ZYG11A: variants seen among roughly 807,000 people sequenced by gnomAD.
ZYG11A encodes the protein zyg-11 family member A, cell cycle regulator, also known as protein zyg-11 homolog A.
Under a neutral mutation model 77.2 loss-of-function variants are expected in ZYG11A, and 62 were observed. The ratio of observed to expected loss-of-function variants is 0.80; its 90% CI spans 0.65 to 0.99. The LOEUF (loss-of-function observed/expected upper bound fraction) is 0.99. Among genes scored for constraint, ZYG11A ranks in the 50% least tolerant of loss-of-function variants. ZYG11A has a pLI of 0.00. For synonymous variants in ZYG11A, 315 were observed against 324.6 expected, an observed-to-expected ratio of 0.97 and a Z score of 0.32; for missense variants, 828 against 896.8, an observed-to-expected ratio of 0.92 and a Z score of 0.98.
rs139341965 is a variant in ZYG11A, at chr1:52,874,057, G to A, written c.1543-3625G>A. 3.6e-3 allele frequency among the ~76,000 whole-genome samples: 543 copies of A among 152,142 alleles called. 2 individuals carry two copies. The highest frequency in any genetic ancestry group is 0.012 in the African/African-American group (517 of 41,498). ...TTGAAAGGAAGGGTCAATTGATGGG[G>A]CAAACATCATTGCTATCTTAAGAAA... On this transcript the variant is annotated intron_variant, in intron 8 of 13. Coordinates refer to ENST00000371528, the MANE Select transcript of ZYG11A (RefSeq NM_001004339.3).
intron 1 of ZYG11A, among the ~76,000 whole-genome samples, chr1:52,851,715 T>C (rs1175189943): frequency 2.0e-5 from 3 of 151,678 alleles, no homozygotes; most frequent in Non-Finnish European, 4.4e-5. Flanking sequence ...TTTATTTTAT[T>C]ATTTATTTTA....
chr1:52,867,501 T>A, intron 6 of ZYG11A, 38 bp from the exon 7 acceptor site: 1 of 1,350,876 alleles, frequency 7.4e-7, no homozygotes, highest in South Asian at 1.3e-5. Flanking sequence ...TCACAAACTT[T>A]ATATATAATT....
At chr1:52,853,852 G>T (rs1487262544) in intron 1 of ZYG11A, among the ~76,000 whole-genome samples, 1 of 152,164 alleles carries the variant, frequency 6.6e-6, no homozygotes, top group African/African-American at 2.4e-5. Flanking sequence ...GTTGCATTCG[G>T]CTGTGATTGT....
chr1:52,867,958 CTT>C (rs1050261180), intron 8 of ZYG11A, among the ~76,000 whole-genome samples, 181 bp downstream of exon 8: 11 of 98,172 alleles, frequency 1.1e-4, no homozygotes, highest in African/African-American at 4.4e-4. Flanking sequence ...CTCCACATTT[CTT>C]TTTTTTTTTT....
chr1:52,864,092 C>T lies in ZYG11A; in HGVS notation c.1261C>T (p.Arg421Cys), dbSNP rs537263056. 28 of 1,551,934 alleles carry T rather than the reference C, an allele frequency of 1.8e-5. No individual in the cohort carries two copies. In the Admixed American group the frequency reaches 4.3e-4, roughly 24 times the overall value. The change falls in exon 5 of 14, where the codon CGC (arginine) becomes TGC (cysteine). Residue 421 changes from arginine (R) to cysteine (C), a missense_variant. Transcript: ENST00000371528. ...GGGCCTGGCCAAGGGGATGCCTGTTCGCCTGTTGTCAGAGGTCACCTGTCT... is the reference window on the plus strand; with the variant it reads ...GGGCCTGGCCAAGGGGATGCCTGTTTGCCTGTTGTCAGAGGTCACCTGTCT... ...RQGLAKGMPV[R>C]LLSEVTCLLF... is the part of the protein sequence containing the mutation.
chr1:52,856,899 T>C, intron 2 of ZYG11A, 99 bp from the exon 3 acceptor site: 1 of 1,253,896 alleles, frequency 8.0e-7, no homozygotes, highest in East Asian at 2.6e-5. Context: ...GTTGTCATTA[T>C]TGTTATTATT....
Position 52,857,816 on chromosome 1 carries a change from C to T in ZYG11A, c.1008+67C>T, listed in dbSNP as rs908673027. 15 of 1,409,420 alleles carry T rather than the reference C, an allele frequency of 1.1e-5. No homozygotes were observed. In the Admixed American group the frequency reaches 2.0e-4, roughly 19 times the overall value. The allele number at this position is 1,409,420 out of a possible 1,614,324, so 87.3% of individuals were successfully genotyped here. A position where few individuals can be genotyped will look rare whatever the true frequency, so the allele number is the denominator to read the frequency against. ...ACATTATTAAACTCGTGCTATAGAC[C>T]AGACTTTTTACTAGGTATTAGGGTT... On this transcript the variant is annotated intron_variant, in intron 3 of 13. Transcript: ENST00000371528.
chr1:52,852,105 G>A (rs1645724616), intron 1 of ZYG11A, among the ~76,000 whole-genome samples: 1 of 151,738 alleles, frequency 6.6e-6, no homozygotes, highest in East Asian at 1.9e-4. Flanking sequence ...TATTAGAGAC[G>A]GGGTTTCACT....
At chr1:52,857,987 A>G (rs1313141065) in intron 3 of ZYG11A, among the ~76,000 whole-genome samples, 1 of 151,812 alleles carries the variant, frequency 6.6e-6, no homozygotes, top group East Asian at 2.0e-4. Context: ...GGGTTTCTTC[A>G]TGTTGGTCAG....
chr1:52,881,953 G>A (rs140260469), intron 11 of ZYG11A, among the ~76,000 whole-genome samples: 3 of 150,926 alleles, frequency 2.0e-5, no homozygotes, highest in Non-Finnish European at 4.4e-5. Flanking sequence ...GAGCACAGTG[G>A]CACAATTCAC....
chr1:52,857,723 T>G lies in ZYG11A; in HGVS notation c.982T>G (p.Phe328Val), dbSNP rs745459794. 13 of 1,550,834 alleles carry G rather than the reference T, an allele frequency of 8.4e-6. No individual in the cohort carries two copies. The South Asian group carries it at 1.2e-4, about 14-fold the overall frequency. ...LLATDAGSSDFFTTKQGLRVA... is the reference protein window; with the variant it reads ...LLATDAGSSDVFTTKQGLRVA... ...GGCCACGGATGCTGGCTCTTCTGAC[T>G]TCTTTACTACAAAGCAAGGCTTGAG... The change falls in exon 3 of 14, where the codon TTC (phenylalanine) becomes GTC (valine). Residue 328 changes from phenylalanine to valine, a missense_variant. Physicochemically the swap from Phe to Val is conservative, Grantham distance 50 (BLOSUM62 -1). Transcript: ENST00000371528.
Position 52,842,965 on chromosome 1 carries a change from G to C in ZYG11A, c.82G>C (p.Val28Leu). ...DAQKDALGCCVVQEEASPYTL... is the reference protein window; with the variant it reads ...DAQKDALGCCLVQEEASPYTL... Reference sequence around the variant, plus strand: ...TCAGAAGGATGCCCTGGGCTGCTGCGTGGTACAGGTGAGCACCGGGGTGCG... The same window carrying C: ...TCAGAAGGATGCCCTGGGCTGCTGCCTGGTACAGGTGAGCACCGGGGTGCG... The change falls in exon 1 of 14, where the codon GTG becomes CTG. Residue 28 changes from valine to leucine, a missense_variant. Coordinates refer to ENST00000371528, the MANE Select transcript of ZYG11A (RefSeq NM_001004339.3). 6.6e-7 allele frequency: 1 copy of C among 1,522,230 alleles called. No individual in the cohort carries two copies. The allele number at this position is 1,522,230 out of a possible 1,614,324, so 94.3% of individuals were successfully genotyped here. A position where few individuals can be genotyped will look rare whatever the true frequency, so the allele number is the denominator to read the frequency against.
At chr1:52,871,020 T>C (rs1391167119) in intron 8 of ZYG11A, among the ~76,000 whole-genome samples, 1 of 152,246 alleles carries the variant, frequency 6.6e-6, no homozygotes, top group African/African-American at 2.4e-5. Flanking sequence ...TGGTTTATGA[T>C]GCAATAATTT....
intron 3 of ZYG11A, among the ~76,000 whole-genome samples, chr1:52,859,363 T>A (rs948837675): frequency 6.6e-6 from 1 of 151,826 alleles, no homozygotes; most frequent in African/African-American, 2.4e-5. Flanking sequence ...TGAGACGGAG[T>A]CTTGCTCTGT....
intron 11 of ZYG11A, among the ~76,000 whole-genome samples, chr1:52,883,962 C>T (rs1197195122): frequency 6.8e-6 from 1 of 146,508 alleles, no homozygotes; most frequent in Non-Finnish European, 1.5e-5. Flanking sequence ...TCACTGCCGC[C>T]TCTGCCTCCT....
chr1:52,874,728 G>A (rs1248912977), intron 8 of ZYG11A, among the ~76,000 whole-genome samples: 1 of 152,086 alleles, frequency 6.6e-6, no homozygotes, highest in Non-Finnish European at 1.5e-5. Context: ...TTAGCCGGGT[G>A]GGGTGGCACG....
At chr1:52,846,954 TCTC>T (rs1173842878) in intron 1 of ZYG11A, among the ~76,000 whole-genome samples, 12 of 151,638 alleles carry the variant, frequency 7.9e-5, no homozygotes, top group Admixed American at 7.9e-4. Flanking sequence ...TTCACGCCAT[TCTC>T]CTGCCTCAGT....
chr1:52,869,973 C>CA (rs1553123093), intron 8 of ZYG11A, among the ~76,000 whole-genome samples: 1 of 149,562 alleles, frequency 6.7e-6, no homozygotes, highest in Non-Finnish European at 1.5e-5. Flanking sequence ...GACCCCCCCC[C>CA]ACCCCCCTCC....
At chr1:52,869,373 T>C (rs919676234) in intron 8 of ZYG11A, among the ~76,000 whole-genome samples, 3 of 151,538 alleles carry the variant, frequency 2.0e-5, no homozygotes, top group Non-Finnish European at 4.4e-5. Context: ...CTGGTTTTCC[T>C]AGGCAGAGGA....
Sources: gnomAD v4.1 joint callset for allele counts (sites outside exome capture counted in the v4.1 genomes callset) on GRCh38, gnomAD v4.1.1 for gene constraint, MANE v1.5 for transcripts, NCBI Gene and HGNC (gene_info 2026-07-23, HGNC 2026-07-21) for gene names.